Variants in MGAT4C observed in about 807,000 individuals in gnomAD.
MGAT4C encodes MGAT4 family member C.
MGAT4C carries 19 observed loss-of-function variants against 40.1 expected under a neutral mutation model. That is an observed-to-expected ratio of 0.47 (90% confidence interval 0.33 to 0.70). The LOEUF is 0.70. Among genes scored for constraint, MGAT4C ranks in the 30% least tolerant of loss-of-function variants. MGAT4C has a pLI of 0.02. For synonymous variants in MGAT4C, 181 were observed against 187.1 expected, an observed-to-expected ratio of 0.97 and a Z score of 0.27; for missense variants, 491 against 563.2, an observed-to-expected ratio of 0.87 and a Z score of 1.30.
rs1883171963 is a variant in MGAT4C at position 85,962,625 on chromosome 12, T to C, written c.*16664A>G. ...TGATTGAATGAAGGAGTGAAGGATG[T>C]AGATTGTTTAAGTACATTCAACTTG... On this transcript the variant is annotated 3_prime_UTR_variant, in exon 5 of 5. Coordinates refer to ENST00000611864, the MANE Select transcript of MGAT4C (RefSeq NM_001351288.2). The C allele has an allele frequency of 6.6e-6, 1 of 150,952 alleles. No individual in the cohort carries two copies. Among genetic ancestry groups the C allele is most frequent in the African/African-American group, 2.4e-5 (1 of 41,334 alleles). 9.4% of individuals were successfully genotyped at this position (150,952 alleles called of 1,614,324 possible).
At chr12:86,016,242 G>A (rs537221476) in intron 2 of MGAT4C, 1 of 152,294 alleles carries the variant, frequency 6.6e-6, no homozygotes, top group Admixed American at 6.5e-5. Flanking sequence ...CAAATGCGAT[G>A]TTCCTGTGCC....
intron 1 of MGAT4C, among the ~76,000 whole-genome samples, chr12:86,739,930 T>C (rs563947199): frequency 6.6e-6 from 1 of 151,106 alleles, no homozygotes; most frequent in South Asian, 2.1e-4. Context: ...TATGTTTCTG[T>C]AAATTGAGAG....
intron 4 of MGAT4C, among the ~76,000 whole-genome samples, chr12:85,981,127 C>T (rs1026390178): frequency 6.6e-5 from 10 of 152,052 alleles, no homozygotes; most frequent in African/African-American, 2.4e-4. Flanking sequence ...ATAAGCACCA[C>T]TTTAAAAAAT....
At chr12:85,988,892 G>C (rs537044041) in intron 3 of MGAT4C, among the ~76,000 whole-genome samples, 2 of 152,006 alleles carry the variant, frequency 1.3e-5, no homozygotes, top group African/African-American at 2.4e-5. Flanking sequence ...ATATAAAACA[G>C]AGTGGCCATC....
intron 1 of MGAT4C, among the ~76,000 whole-genome samples, chr12:86,165,936 C>G (rs1225911682): frequency 6.6e-6 from 1 of 152,092 alleles, no homozygotes; most frequent in East Asian, 1.9e-4. Flanking sequence ...ACATTTGAAA[C>G]AGCTAAATGC....
intron 2 of MGAT4C, among the ~76,000 whole-genome samples, chr12:86,487,606 C>G (rs1955399): frequency 1.3e-5 from 2 of 151,994 alleles, no homozygotes; most frequent in East Asian, 3.9e-4. Flanking sequence ...TGAAGATTTT[C>G]TATTTCTAAC....
chr12:86,304,398 T>A (rs1243274312), intron 4 of MGAT4C, among the ~76,000 whole-genome samples: 1 of 150,630 alleles, frequency 6.6e-6, no homozygotes, highest in East Asian at 1.9e-4. Context: ...TTCTATCTGA[T>A]AATTTCTAAA....
At chr12:86,464,510 C>A (rs1235183722) in intron 2 of MGAT4C, among the ~76,000 whole-genome samples, 2 of 152,070 alleles carry the variant, frequency 1.3e-5, no homozygotes, top group African/African-American at 4.8e-5. Context: ...TCCACATACA[C>A]CTAATTCACC....
intron 2 of MGAT4C, among the ~76,000 whole-genome samples, chr12:86,538,921 T>C (rs1423482286): frequency 2.6e-5 from 4 of 152,304 alleles, no homozygotes; most frequent in African/African-American, 7.2e-5. Flanking sequence ...GTGGAATACA[T>C]TTATATAAGG....
At chr12:86,591,648 A>C in intron 2 of MGAT4C, among the ~76,000 whole-genome samples, 1 of 151,796 alleles carries the variant, frequency 6.6e-6, no homozygotes, top group East Asian at 1.9e-4. Flanking sequence ...ATTTAAACTA[A>C]TACACATAAA....
intron 1 of MGAT4C, among the ~76,000 whole-genome samples, chr12:86,064,954 A>C (rs1827137212): frequency 6.6e-6 from 1 of 152,208 alleles, no homozygotes; most frequent in East Asian, 1.9e-4. Context: ...TAAATTAGAA[A>C]ATCTAGAAGA....
At chr12:86,238,142 G>T (rs989003422) in intron 1 of MGAT4C, among the ~76,000 whole-genome samples, 19 of 151,840 alleles carry the variant, frequency 1.3e-4, no homozygotes, top group Non-Finnish European at 2.7e-4. Context: ...TGCATTAGTG[G>T]CTTTTGTTCT....
chr12:86,243,343 T>C (rs1465878340), intron 1 of MGAT4C, among the ~76,000 whole-genome samples: 1 of 152,218 alleles, frequency 6.6e-6, no homozygotes, highest in Non-Finnish European at 1.5e-5. Flanking sequence ...TAGAGGTCTC[T>C]GAGAATGTTC....
intron 2 of MGAT4C, among the ~76,000 whole-genome samples, chr12:86,496,775 C>G (rs947723559): frequency 2.0e-5 from 3 of 151,858 alleles, no homozygotes; most frequent in Admixed American, 6.6e-5. Flanking sequence ...CACCATTCAG[C>G]CTTTTATAAA....
At position 86,685,420 on chromosome 12, in the gene MGAT4C, G is replaced by A. The variant is rs577585763; in HGVS notation, c.-229+41789C>T. 2.0e-5 allele frequency among the ~76,000 whole-genome samples: 3 copies of A among 152,286 alleles called. No homozygotes were observed. The South Asian group carries it at 6.2e-4, about 32-fold the overall frequency. On this transcript the variant is annotated intron_variant, in intron 2 of 7. Coordinates refer to the MGAT4C transcript ENST00000548651. ...ATATCTGTTTTGGTACCAGTGCCAT[G>A]CTATTTTGGTAACTGTAGCCTTGTA...
At chr12:86,634,111 A>T (rs1378841789) in intron 2 of MGAT4C, among the ~76,000 whole-genome samples, 2 of 152,104 alleles carry the variant, frequency 1.3e-5, no homozygotes, top group African/African-American at 2.4e-5. Context: ...GGTTTGTTGA[A>T]ATTTAGAAAA....
Position 85,962,505 on chromosome 12 carries a change from C to A in MGAT4C, c.*16784G>T, listed in dbSNP as rs1276835224. The A allele has an allele frequency of 6.7e-6, 1 of 148,806 alleles. No homozygotes were observed. Among genetic ancestry groups the A allele is most frequent in the Admixed American group, 6.7e-5 (1 of 14,822 alleles). The allele number at this position is 148,806 out of a possible 1,614,324, so 9.2% of individuals were successfully genotyped here. ...TTACTTTTTTATCCTCACAACAATTCAACATGATATGTATGGTTATTACTA... is the reference window on the plus strand; with the variant it reads ...TTACTTTTTTATCCTCACAACAATTAAACATGATATGTATGGTTATTACTA... On this transcript the variant is annotated 3_prime_UTR_variant, in exon 5 of 5. Coordinates refer to ENST00000611864, the MANE Select transcript of MGAT4C (RefSeq NM_001351288.2).
intron 2 of MGAT4C, among the ~76,000 whole-genome samples, chr12:86,537,800 T>G (rs899065414): frequency 1.3e-5 from 2 of 151,250 alleles, no homozygotes; most frequent in Non-Finnish European, 3.0e-5. Context: ...AAATAATTTT[T>G]TTTGGGCCAG....
chr12:86,680,716 A>G (rs2136579054), intron 2 of MGAT4C, among the ~76,000 whole-genome samples: 1 of 152,182 alleles, frequency 6.6e-6, no homozygotes, highest in East Asian at 1.9e-4. Flanking sequence ...ATTCCTTGTT[A>G]CAGTGCTCCG....
Sources: allele counts gnomAD v4.1 joint callset (sites outside exome capture counted in the v4.1 genomes callset), GRCh38; gene constraint gnomAD v4.1.1; transcripts MANE v1.5; gene names NCBI Gene and HGNC (gene_info 2026-07-23, HGNC 2026-07-21).